Variants in ACSM1 observed in about 807,000 individuals in gnomAD.
ACSM1 encodes the protein acyl-CoA synthetase medium chain family member 1.
ACSM1 carries 79 observed loss-of-function variants against 75.8 expected under a neutral mutation model. That is an observed-to-expected ratio of 1.04 (90% CI 0.87 to 1.26). The LOEUF (loss-of-function observed/expected upper bound fraction) is 1.26. ACSM1 is among the 50% of genes most tolerant of loss of function. The pLI, the probability that ACSM1 is intolerant of heterozygous loss-of-function variation, is 0.00. For synonymous variants in ACSM1, 279 were observed against 265.8 expected (o/e 1.05, Z -0.48); for missense variants, 676 against 720.1 (o/e 0.94, Z 0.70).
At chr16:20,645,527 G>T (rs945101527) in intron 7 of ACSM1, among the ~76,000 whole-genome samples, 1 of 152,120 alleles carries the variant, frequency 6.6e-6, no homozygotes, top group Admixed American at 6.5e-5. Context: ...GTTTTACGAG[G>T]GTTGGGACAA....
At chr16:20,673,984 G>T in intron 4 of ACSM1, 1 of 363,232 alleles carries the variant, frequency 2.8e-6, no homozygotes, top group Admixed American at 3.5e-5. Flanking sequence ...AAGGAACTAG[G>T]TCAGGGTCAC....
intron 2 of ACSM1, among the ~76,000 whole-genome samples, chr16:20,688,873 A>G (rs1473111104): frequency 6.6e-6 from 1 of 151,570 alleles, no homozygotes; most frequent in East Asian, 1.9e-4. Context: ...AAAAATCAAT[A>G]TTATTATAAG....
At chr16:20,625,564 T>A (rs776610721) in intron 11 of ACSM1, 42 bp from the exon 12 acceptor site, 1 of 1,565,630 alleles carries the variant, frequency 6.4e-7, no homozygotes, top group Non-Finnish European at 8.8e-7. Context: ...AGGGCTGGGG[T>A]GAACCAAGTC....
intron 11 of ACSM1, among the ~76,000 whole-genome samples, chr16:20,626,046 T>C (rs2016904762): frequency 6.6e-6 from 1 of 152,286 alleles, no homozygotes; most frequent in South Asian, 2.1e-4. Context: ...TAAAATCTAC[T>C]CTTTGTGCAA....
chr16:20,688,574 T>C (rs1407235760), intron 2 of ACSM1, among the ~76,000 whole-genome samples: 1 of 152,088 alleles, frequency 6.6e-6, no homozygotes, highest in Non-Finnish European at 1.5e-5. Context: ...AGATTATCAG[T>C]GGATTTCTCA....
chr16:20,666,745 C>T (rs1466281654), intron 6 of ACSM1, among the ~76,000 whole-genome samples: 1 of 152,088 alleles, frequency 6.6e-6, no homozygotes, highest in African/African-American at 2.4e-5. Flanking sequence ...CAGCATGGTA[C>T]TGGTACAAAA....
intron 10 of ACSM1, among the ~76,000 whole-genome samples, chr16:20,633,647 T>TC (rs1300009753): frequency 2.0e-5 from 3 of 151,932 alleles, no homozygotes; most frequent in African/African-American, 7.3e-5. Context: ...TCCCAATGGT[T>TC]TTTTGTTGTT....
Position 20,640,497 on chromosome 16 carries a change from G to C in ACSM1, c.1080C>G (p.Gly360=). The change falls in exon 8 of 14, where the codon GGC becomes GGG. Residue 360 remains glycine (G), a synonymous_variant. Coordinates refer to ENST00000520010, the MANE Select transcript of ACSM1 (RefSeq NM_001318890.3). The part of the protein sequence containing the change: ...KDQEEWKRRT[G]LLLYENYGQS... ...GCCCATAGTTCTCGTAGAGCAGAAG[G>C]CCCGTCCGTCTTTTCCACTCCTCCT... The C allele has an allele frequency of 3.1e-6, 5 of 1,614,112 alleles. No individual in the cohort carries two copies. The highest frequency in any genetic ancestry group is 4.2e-6 in the Non-Finnish European group (5 of 1,179,998).
chr16:20,673,360 T>C (rs544066357), intron 4 of ACSM1, among the ~76,000 whole-genome samples: 42 of 152,230 alleles, frequency 2.8e-4, no homozygotes, highest in African/African-American at 9.9e-4. Context: ...AATGGTATCA[T>C]ACTGACTTTG....
At chr16:20,635,104 A>C (rs901094238) in intron 10 of ACSM1, among the ~76,000 whole-genome samples, 8 of 152,066 alleles carry the variant, frequency 5.3e-5, no homozygotes, top group African/African-American at 1.7e-4. Context: ...GCTCAATCAA[A>C]AAAAAATTAG....
chr16:20,661,694 A>T, intron 7 of ACSM1, 100 bp downstream of exon 7: 6 of 859,806 alleles, frequency 7.0e-6, no homozygotes, highest in Middle Eastern at 4.5e-4. Flanking sequence ...ACACAAACAC[A>T]CACACACTCC....
chr16:20,663,881 G>C (rs537303006), intron 6 of ACSM1, among the ~76,000 whole-genome samples: 1 of 152,274 alleles, frequency 6.6e-6, no homozygotes, highest in East Asian at 1.9e-4. Flanking sequence ...GCAGCCAAGG[G>C]AGCTCTGCTT....
rs368632755 is a variant in ACSM1, at chr16:20,643,251, G to A, written c.993-2667C>T. Among the ~76,000 whole-genome samples the A allele has an allele frequency of 9.5e-4, 145 of 152,308 alleles. 6 individuals carry two copies. The South Asian group carries it at 0.028, about 29-fold the overall frequency. On this transcript the variant is annotated intron_variant, in intron 7 of 13. Transcript: ENST00000520010. Reference sequence around the variant, plus strand: ...CAGCCGCCCTAGTTGCTTTTAACTCGCTGGCAGGTGCCTGGTATTTAGCCC... The same window carrying A: ...CAGCCGCCCTAGTTGCTTTTAACTCACTGGCAGGTGCCTGGTATTTAGCCC...
chr16:20,672,545 AT>A (rs1371210176), intron 4 of ACSM1, among the ~76,000 whole-genome samples: 1 of 134,176 alleles, frequency 7.5e-6, no homozygotes, highest in East Asian at 2.1e-4. Context: ...TATATATAAA[AT>A]TATATATAAA....
intron 4 of ACSM1, chr16:20,679,754 C>G (rs1024345859): frequency 6.6e-6 from 1 of 152,164 alleles, no homozygotes; most frequent in Non-Finnish European, 1.5e-5. Context: ...AACCAGACCA[C>G]CTATTCGGTC....
At chr16:20,651,234 A>C (rs1422677576) in intron 7 of ACSM1, among the ~76,000 whole-genome samples, 2 of 152,174 alleles carry the variant, frequency 1.3e-5, no homozygotes, top group Non-Finnish European at 2.9e-5. Flanking sequence ...TTAAATGGCA[A>C]AAACAAAAAG....
chr16:20,629,373 T>C (rs932079897), intron 10 of ACSM1, among the ~76,000 whole-genome samples: 4 of 152,148 alleles, frequency 2.6e-5, no homozygotes, highest in African/African-American at 9.7e-5. Flanking sequence ...AATTAGATTG[T>C]TACAACCTTA....
At chr16:20,682,686 C>T (rs1290352809) in intron 3 of ACSM1, among the ~76,000 whole-genome samples, 1 of 152,192 alleles carries the variant, frequency 6.6e-6, no homozygotes, top group African/African-American at 2.4e-5. Flanking sequence ...TTCTTTTGCA[C>T]TAAAATTTGT....
chr16:20,652,140 C>T (rs1370153886), intron 7 of ACSM1, among the ~76,000 whole-genome samples: 1 of 152,050 alleles, frequency 6.6e-6, no homozygotes. Context: ...AGAAAAATAA[C>T]TTAAAATATT....
Sources: gnomAD v4.1 joint callset for allele counts (sites outside exome capture counted in the v4.1 genomes callset) on GRCh38, gnomAD v4.1.1 for gene constraint, MANE v1.5 for transcripts, NCBI Gene and HGNC (gene_info 2026-07-23, HGNC 2026-07-21) for gene names.